The following SLC16A9 variants were observed in gnomAD, a reference collection of about 807,000 sequenced individuals.
SLC16A9 encodes the protein monocarboxylate transporter 9.
SLC16A9 carries 26 observed loss-of-function variants against 44.3 expected under a neutral mutation model. The ratio of observed to expected loss-of-function variants is 0.59; its 90% CI spans 0.43 to 0.81. The LOEUF is 0.81. Among genes scored for constraint, SLC16A9 ranks in the 40% least tolerant of loss-of-function variants. SLC16A9 has a pLI of 0.00. For missense variants in SLC16A9, 559 were observed against 595.8 expected (o/e 0.94, Z 0.64); for synonymous variants, 230 against 225.1 (o/e 1.02, Z -0.19).
At chr10:59,688,767 A>G (rs17776606) in intron 1 of SLC16A9, among the ~76,000 whole-genome samples, 5,703 of 151,180 alleles carry the variant, frequency 0.038, 167 homozygotes, top group Non-Finnish European at 0.042. Flanking sequence ...TGCATACGAG[A>G]TTGTCCTTCA....
chr10:59,671,031 C>T (rs562330919), intron 3 of SLC16A9, among the ~76,000 whole-genome samples: 1 of 152,220 alleles, frequency 6.6e-6, no homozygotes, highest in East Asian at 1.9e-4. Flanking sequence ...ATCATTTAGT[C>T]CTCACAAGAC....
At chr10:59,704,435 G>A (rs2132553418) in intron 1 of SLC16A9, among the ~76,000 whole-genome samples, 1 of 152,172 alleles carries the variant, frequency 6.6e-6, no homozygotes, top group South Asian at 2.1e-4. Flanking sequence ...CATGCTAAAG[G>A]AGAGAACAGT....
chr10:59,652,658 T>A lies in SLC16A9; in HGVS notation c.*114A>T, dbSNP rs1197281969. On this transcript the variant is annotated 3_prime_UTR_variant, in exon 6 of 6. Coordinates refer to ENST00000395348, the MANE Select transcript of SLC16A9 (RefSeq NM_194298.3). ...ATAATTCATTCAGAGTCAGTCATTG[T>A]GAAATTTTGCTATGAGAAAATAGTC... 3 of 936,100 alleles carry A rather than the reference T, an allele frequency of 3.2e-6. No homozygotes were observed. In the East Asian group the frequency reaches 8.1e-5, roughly 25 times the overall value. The allele number at this position is 936,100 out of a possible 1,614,324, so 58.0% of individuals were successfully genotyped here.
At chr10:59,685,808 G>T (rs1396118130) in intron 1 of SLC16A9, among the ~76,000 whole-genome samples, 1 of 152,174 alleles carries the variant, frequency 6.6e-6, no homozygotes, top group African/African-American at 2.4e-5. Flanking sequence ...TATTGAAAAA[G>T]CTGAGTTGGG....
At chr10:59,656,075 T>C (rs1839343018) in intron 4 of SLC16A9, among the ~76,000 whole-genome samples, 1 of 152,258 alleles carries the variant, frequency 6.6e-6, no homozygotes, top group Admixed American at 6.5e-5. Flanking sequence ...TTCATGTTAA[T>C]GTAATGGCAA....
At chr10:59,697,983 A>C (rs1840438985) in intron 1 of SLC16A9, among the ~76,000 whole-genome samples, 1 of 149,622 alleles carries the variant, frequency 6.7e-6, no homozygotes, top group South Asian at 2.1e-4. Context: ...ACAAAAAACA[A>C]AACAAAACAA....
intron 1 of SLC16A9, among the ~76,000 whole-genome samples, chr10:59,691,944 T>TA (rs1466606648): frequency 3.3e-5 from 5 of 152,194 alleles, no homozygotes; most frequent in Non-Finnish European, 7.3e-5. Context: ...TACAAGTATT[T>TA]AATCTTATTT....
chr10:59,668,302 A>T (rs1839668119), intron 3 of SLC16A9, among the ~76,000 whole-genome samples: 1 of 152,108 alleles, frequency 6.6e-6, no homozygotes, highest in East Asian at 1.9e-4. Flanking sequence ...GTATAAAAAG[A>T]CTGCTGTTTA....
At chr10:59,656,902 T>C (rs568381727) in intron 4 of SLC16A9, among the ~76,000 whole-genome samples, 1 of 152,308 alleles carries the variant, frequency 6.6e-6, no homozygotes, top group South Asian at 2.1e-4. Context: ...TTATACATTA[T>C]TACAAAGAGA....
chr10:59,684,389 G>A (rs1840088438), intron 1 of SLC16A9, 62 bp from the exon 2 acceptor site: 2 of 865,922 alleles, frequency 2.3e-6, no homozygotes, highest in Non-Finnish European at 3.3e-6. Context: ...CAGCGCTTGG[G>A]GTAAAAATAT....
chr10:59,662,633 C>CAAAA (rs71006278), intron 4 of SLC16A9, among the ~76,000 whole-genome samples: 8,144 of 43,482 alleles, frequency 0.19, 890 homozygotes, highest in Middle Eastern at 0.24. Flanking sequence ...AACTCCATCT[C>CAAAA]AAAAAAAAAA....
intron 1 of SLC16A9, among the ~76,000 whole-genome samples, chr10:59,696,034 G>A (rs1415264689): frequency 6.6e-6 from 1 of 152,114 alleles, no homozygotes; most frequent in Non-Finnish European, 1.5e-5. Context: ...CAGAGGCGGT[G>A]TGACCCTGTC....
Position 59,699,937 on chromosome 10 carries a change from T to C in SLC16A9, c.-37+9542A>G, listed in dbSNP as rs74152122. On this transcript the variant is annotated intron_variant, in intron 1 of 5. Coordinates refer to ENST00000395348, the MANE Select transcript of SLC16A9 (RefSeq NM_194298.3). ...ACACACACACACACACACACACACA[T>C]ACACACATTAGTACCACATCTCTCC... Among the ~76,000 whole-genome samples the C allele has an allele frequency of 5.0e-3, 609 of 123,008 alleles. 4 individuals carry two copies. Among genetic ancestry groups the C allele is most frequent in the African/African-American group, 0.017 (575 of 34,074 alleles). The allele number at this position is 123,008 out of a possible 152,430, so 80.7% of individuals were successfully genotyped here. A position where few individuals can be genotyped will look rare whatever the true frequency, so the allele number is the denominator to read the frequency against.
intron 1 of SLC16A9, among the ~76,000 whole-genome samples, chr10:59,708,105 T>C (rs1840685056): frequency 6.6e-6 from 1 of 152,196 alleles, no homozygotes; most frequent in Non-Finnish European, 1.5e-5. Flanking sequence ...GTTAAATTAT[T>C]TTATCTAATT....
At chr10:59,657,238 A>C (rs957793741) in intron 4 of SLC16A9, among the ~76,000 whole-genome samples, 1 of 152,190 alleles carries the variant, frequency 6.6e-6, no homozygotes, top group South Asian at 2.1e-4. Flanking sequence ...GTAAAAACCA[A>C]TTGTAGCTTG....
chr10:59,677,927 G>A (rs1839894833), intron 2 of SLC16A9, among the ~76,000 whole-genome samples: 1 of 150,886 alleles, frequency 6.6e-6, no homozygotes, highest in Admixed American at 6.6e-5. Context: ...GGGTACATGT[G>A]CACAATGTGC....
chr10:59,661,812 G>A (rs1588964622), intron 4 of SLC16A9, among the ~76,000 whole-genome samples: 2 of 150,402 alleles, frequency 1.3e-5, no homozygotes, highest in African/African-American at 4.9e-5. Flanking sequence ...ACAGAACAGA[G>A]GCCTCAGAAA....
At chr10:59,677,871 TTTA>T (rs1182754668) in intron 2 of SLC16A9, among the ~76,000 whole-genome samples, 3 of 151,928 alleles carry the variant, frequency 2.0e-5, no homozygotes, top group East Asian at 1.9e-4. Flanking sequence ...TTTAGCTACT[TTTA>T]TTATTATTTT....
intron 1 of SLC16A9, among the ~76,000 whole-genome samples, chr10:59,703,111 A>G (rs1840560408): frequency 6.6e-6 from 1 of 152,214 alleles, no homozygotes; most frequent in Non-Finnish European, 1.5e-5. Context: ...AATACAGGTA[A>G]TTAACTTCTG....
Sources: allele counts gnomAD v4.1 joint callset (sites outside exome capture counted in the v4.1 genomes callset), GRCh38; gene constraint gnomAD v4.1.1; transcripts MANE v1.5; gene names NCBI Gene and HGNC (gene_info 2026-07-23, HGNC 2026-07-21).